The following AFF1 variants were observed in gnomAD, a reference collection of about 807,000 sequenced individuals.
AFF1 encodes the protein ALF transcription elongation factor 1.
A neutral mutation model predicts 121.7 loss-of-function variants in AFF1; 48 were observed. The ratio of observed to expected loss-of-function variants is 0.39; its 90% CI spans 0.31 to 0.50. AFF1 has a LOEUF of 0.50. AFF1 is among the 20% of genes least tolerant of loss of function. The pLI is 0.76. For missense variants in AFF1, 1,523 were observed against 1,511.7 expected (o/e 1.01, Z -0.12); for synonymous variants, 613 against 563.0 (o/e 1.09, Z -1.26).
chr4:87,075,019 C>T (rs1722505007), intron 4 of AFF1, among the ~76,000 whole-genome samples: 1 of 152,168 alleles, frequency 6.6e-6, no homozygotes, highest in South Asian at 2.1e-4. Context: ...TCAGTTAATG[C>T]AGATTGAGCC....
rs1481321247 is a variant in AFF1 at position 87,090,035 on chromosome 4, A to G, written c.1156A>G (p.Thr386Ala). The G allele has an allele frequency of 6.2e-7, 1 of 1,614,038 alleles. No homozygotes were observed. The highest frequency in any genetic ancestry group is 1.1e-5 in the South Asian group (1 of 91,080). Residue 386 changes from threonine (T) to alanine (A), a missense_variant, in exon 6 of 21, where the codon ACA becomes GCA. Thr to Ala is a moderately conservative substitution (Grantham distance 58, BLOSUM62 0). This residue lies in a region of AFF1 where 905 missense variants were observed against 842.5 expected (regional missense o/e 1.07). Transcript: ENST00000395146. ...PPLTAIHTPS[T>A]AEPSKFPFPT... is the part of the protein sequence containing the mutation. The stretch of plus-strand genomic sequence containing the variant: ...TTTGACAGCAATACATACGCCTAGT[A>G]CAGCTGAGCCATCCAAGTTTCCTTT...
intron 4 of AFF1, among the ~76,000 whole-genome samples, chr4:87,063,781 C>T (rs1275874142): frequency 6.6e-6 from 1 of 152,098 alleles, no homozygotes; most frequent in South Asian, 2.1e-4. Flanking sequence ...GTGAGATATA[C>T]CACCTTTCCT....
chr4:87,042,691 A>AT (rs941749015), intron 2 of AFF1, among the ~76,000 whole-genome samples: 2 of 152,344 alleles, frequency 1.3e-5, no homozygotes, highest in South Asian at 2.1e-4. Flanking sequence ...GTTTAAAAAA[A>AT]TTTTTTTGAC....
chr4:87,131,787 C>T lies in AFF1; in HGVS notation c.3102-6C>T, dbSNP rs771538936. The T allele has an allele frequency of 1.2e-4, 187 of 1,587,862 alleles. No individual in the cohort carries two copies. Among genetic ancestry groups the T allele is most frequent in the Non-Finnish European group, 1.2e-4 (141 of 1,165,742 alleles). ...AAACCTGATGTACTTTTATATTTTCCTATAGATTCATAATGTCATTAAAAT... is the reference window on the plus strand; with the variant it reads ...AAACCTGATGTACTTTTATATTTTCTTATAGATTCATAATGTCATTAAAAT... On this transcript the variant is annotated splice_region_variant and splice_polypyrimidine_tract_variant and intron_variant, in intron 17 of 20. Transcript: ENST00000395146.
intron 2 of AFF1, among the ~76,000 whole-genome samples, chr4:86,992,041 A>T (rs931872217): frequency 1.3e-5 from 2 of 152,146 alleles, no homozygotes; most frequent in African/African-American, 4.8e-5. Flanking sequence ...GTGCTGAAAC[A>T]TATCTAGGTA....
chr4:86,940,945 G>A (rs1560489346), intron 1 of AFF1, among the ~76,000 whole-genome samples: 1 of 151,698 alleles, frequency 6.6e-6, no homozygotes, highest in African/African-American at 2.4e-5. Context: ...AAAATTAGCC[G>A]GGTATTGTGT....
chr4:87,131,299 G>T (rs1446265953), intron 17 of AFF1, 80 bp downstream of exon 17: 14 of 1,538,684 alleles, frequency 9.1e-6, no homozygotes, highest in Non-Finnish European at 8.8e-7. Flanking sequence ...TTGAACCTTA[G>T]TGTGAAGATG....
intron 5 of AFF1, among the ~76,000 whole-genome samples, chr4:87,084,449 A>G (rs1188516251): frequency 6.6e-6 from 1 of 151,942 alleles, no homozygotes; most frequent in East Asian, 1.9e-4. Context: ...AGGCTGAGTC[A>G]GGCCTCCTGA....
At chr4:86,946,679 C>T (rs1210929942) in intron 1 of AFF1, among the ~76,000 whole-genome samples, 1 of 152,042 alleles carries the variant, frequency 6.6e-6, no homozygotes, top group African/African-American at 2.4e-5. Context: ...GGTGCACACC[C>T]GGCCCACTCT....
intron 17 of AFF1, 135 bp from the exon 18 acceptor site, chr4:87,131,658 G>T: frequency 1.3e-6 from 1 of 764,318 alleles, no homozygotes; most frequent in Non-Finnish European, 2.1e-6. Context: ...AAAGCCTTGG[G>T]TTTTTAAATT....
At chr4:87,021,675 A>AT (rs1727912483) in intron 2 of AFF1, among the ~76,000 whole-genome samples, 2 of 152,206 alleles carry the variant, frequency 1.3e-5, no homozygotes, top group Non-Finnish European at 2.9e-5. Context: ...TAAAAGAGAA[A>AT]TGTCTTCCTG....
intron 4 of AFF1, among the ~76,000 whole-genome samples, chr4:87,049,500 A>G (rs1731059846): frequency 6.6e-6 from 1 of 152,184 alleles, no homozygotes; most frequent in African/African-American, 2.4e-5. Context: ...TATTTTGAAC[A>G]TAGGACTATG....
chr4:87,086,210 T>G (rs1723718373), intron 5 of AFF1, among the ~76,000 whole-genome samples: 1 of 152,236 alleles, frequency 6.6e-6, no homozygotes, highest in Non-Finnish European at 1.5e-5. Flanking sequence ...TACTGTGGCC[T>G]TGGCATTTCC....
intron 2 of AFF1, among the ~76,000 whole-genome samples, chr4:87,013,032 C>CTTTTTTTTTGTTTT (rs1391718271): frequency 1.3e-4 from 12 of 93,490 alleles, no homozygotes; most frequent in African/African-American, 4.7e-4. Flanking sequence ...CTATCAAGTT[C>CTTTTTTTTTGTTTT]TTTTTTTTTT....
At chr4:87,044,070 C>T (rs1443946826) in intron 2 of AFF1, among the ~76,000 whole-genome samples, 1 of 152,132 alleles carries the variant, frequency 6.6e-6, no homozygotes, top group East Asian at 1.9e-4. Flanking sequence ...CCTGCCTTGG[C>T]CTCCCAAAGT....
At chr4:87,092,777 A>G (rs930902778) in intron 7 of AFF1, among the ~76,000 whole-genome samples, 2 of 152,212 alleles carry the variant, frequency 1.3e-5, no homozygotes, top group East Asian at 3.8e-4. Context: ...AAACCCGACT[A>G]TATTGCTACA....
At chr4:87,014,770 T>TGCTTCTCCCCC (rs1727138283) in intron 2 of AFF1, among the ~76,000 whole-genome samples, 1 of 152,224 alleles carries the variant, frequency 6.6e-6, no homozygotes. Flanking sequence ...CTTGTTAAAT[T>TGCTTCTCCCCC]GCTTCTCCCC....
intron 3 of AFF1, 108 bp downstream of exon 3, chr4:87,046,394 A>G: frequency 7.2e-7 from 1 of 1,395,144 alleles, no homozygotes; most frequent in Non-Finnish European, 9.7e-7. Context: ...AGCTGTGAAA[A>G]TAAGATAACT....
chr4:87,083,121 G>GA (rs1039485226), intron 4 of AFF1, among the ~76,000 whole-genome samples: 13 of 152,116 alleles, frequency 8.5e-5, no homozygotes, highest in Admixed American at 5.2e-4. Context: ...CTCTAGTTCA[G>GA]AAAAAATAAT....
Sources: allele counts gnomAD v4.1 joint callset (sites outside exome capture counted in the v4.1 genomes callset), GRCh38; gene constraint gnomAD v4.1.1; regional missense constraint gnomAD v4.1.1; transcripts MANE v1.5; gene names NCBI Gene and HGNC (gene_info 2026-07-23, HGNC 2026-07-21).